SLC24A3: variants seen among roughly 807,000 people sequenced by gnomAD.
SLC24A3 encodes sodium/potassium/calcium exchanger 3.
Under a neutral mutation model 75.8 loss-of-function variants are expected in SLC24A3, and 28 were observed. That is an observed-to-expected ratio of 0.37 (90% confidence interval 0.27 to 0.51). SLC24A3 has a LOEUF of 0.51. Among genes scored for constraint, SLC24A3 ranks in the 20% least tolerant of loss-of-function variants. The pLI, the probability that SLC24A3 is intolerant of heterozygous loss-of-function variation, is 0.94. For missense variants in SLC24A3, 663 were observed against 847.8 expected (o/e 0.78, Z 2.71); for synonymous variants, 372 against 334.1 (o/e 1.11, Z -1.24).
At chr20:19,371,940 G>A (rs927625532) in intron 2 of SLC24A3, among the ~76,000 whole-genome samples, 7 of 152,156 alleles carry the variant, frequency 4.6e-5, no homozygotes, top group Non-Finnish European at 7.3e-5. Context: ...TGGAAGTCAT[G>A]TCTGTGTCTC....
intron 2 of SLC24A3, among the ~76,000 whole-genome samples, chr20:19,356,815 A>C (rs1334970572): frequency 6.6e-6 from 1 of 151,992 alleles, no homozygotes; most frequent in East Asian, 1.9e-4. Flanking sequence ...CTACTGCTCT[A>C]CATGGTCATC....
At chr20:19,597,193 C>A (rs1011753756) in intron 6 of SLC24A3, among the ~76,000 whole-genome samples, 2 of 150,654 alleles carry the variant, frequency 1.3e-5, no homozygotes, top group Non-Finnish European at 3.0e-5. Context: ...CAACGAACGG[C>A]CTGGGCAACA....
chr20:19,653,212 C>T (rs6046227), intron 6 of SLC24A3, among the ~76,000 whole-genome samples: 55,931 of 152,130 alleles, frequency 0.37, 13,584 homozygotes, highest in African/African-American at 0.7. Flanking sequence ...TCCCGACCAC[C>T]TCCAGCCCTG....
At chr20:19,477,704 G>A (rs1176517969) in intron 2 of SLC24A3, among the ~76,000 whole-genome samples, 3 of 152,074 alleles carry the variant, frequency 2.0e-5, no homozygotes, top group South Asian at 2.1e-4. Context: ...CTAAAGTGTC[G>A]ATGACATCCC....
chr20:19,603,444 G>T (rs3790274), intron 6 of SLC24A3, among the ~76,000 whole-genome samples: 80,414 of 152,008 alleles, frequency 0.53, 22,519 homozygotes, highest in Admixed American at 0.62. Context: ...GTTGTTTGCC[G>T]GCTCTTGGTG....
At chr20:19,399,167 AT>A (rs1381558461) in intron 2 of SLC24A3, among the ~76,000 whole-genome samples, 4 of 151,966 alleles carry the variant, frequency 2.6e-5, no homozygotes, top group Admixed American at 2.0e-4. Context: ...AATAGTTATC[AT>A]TTTTTTATGA....
In SLC24A3 at chr20:19,717,540, A is replaced by G; in HGVS notation, c.1732A>G (p.Ser578Gly). 6.2e-7 allele frequency: 1 copy of G among 1,614,092 alleles called. No homozygotes were observed. The highest frequency in any genetic ancestry group is 8.5e-7 in the Non-Finnish European group (1 of 1,179,954). The change falls in exon 16 of 17, where the codon AGC becomes GGC. Residue 578 changes from serine (S) to glycine (G), a missense_variant. Physicochemically the swap from Ser to Gly is moderately conservative, Grantham distance 56. This residue lies in a region of SLC24A3 where 510 missense variants were observed against 703.6 expected (regional missense o/e 0.72). Coordinates refer to ENST00000328041, the MANE Select transcript of SLC24A3 (RefSeq NM_020689.4). Reference sequence around the variant, plus strand: ...CCCTCTCTTACAGATCCGGCTGAATAGCAGGGGGCTGATCTACTCCGTAGG... The same window carrying G: ...CCCTCTCTTACAGATCCGGCTGAATGGCAGGGGGCTGATCTACTCCGTAGG... ...VDYGSYIRLN[S>G]RGLIYSVGLL... is the part of the protein sequence containing the mutation.
intron 6 of SLC24A3, among the ~76,000 whole-genome samples, chr20:19,593,742 C>T (rs1207691867): frequency 6.6e-6 from 1 of 152,192 alleles, no homozygotes; most frequent in Non-Finnish European, 1.5e-5. Context: ...CTAAAGCTCC[C>T]TCCACAGTGT....
chr20:19,443,602 A>G (rs1383571508), intron 2 of SLC24A3, among the ~76,000 whole-genome samples: 1 of 152,174 alleles, frequency 6.6e-6, no homozygotes, highest in Admixed American at 6.5e-5. Flanking sequence ...TACATAGACA[A>G]TTCTGAAACC....
intron 6 of SLC24A3, among the ~76,000 whole-genome samples, chr20:19,615,479 G>T (rs2031724763): frequency 6.6e-6 from 1 of 152,172 alleles, no homozygotes; most frequent in Non-Finnish European, 1.5e-5. Flanking sequence ...GTGACGGAAG[G>T]TGAAGGGAAA....
rs1701380891 is a variant in SLC24A3 at position 19,596,285 on chromosome 20, T to C, written c.612+10741T>C. 2.6e-5 allele frequency among the ~76,000 whole-genome samples: 4 copies of C among 152,144 alleles called. No homozygotes were observed. The South Asian group carries it at 8.3e-4, about 31-fold the overall frequency. ...AAAGATAAGAAGTGGTTGCTGTCTT[T>C]AGAATATTTTTTGGAGGTGATGCCA... On this transcript the variant is annotated intron_variant, in intron 6 of 16. Transcript: ENST00000328041.
intron 9 of SLC24A3, among the ~76,000 whole-genome samples, chr20:19,678,922 C>T (rs1382808009): frequency 6.6e-6 from 1 of 150,490 alleles, no homozygotes; most frequent in Non-Finnish European, 1.5e-5. Flanking sequence ...GGGGCAAAGG[C>T]GCTCCCCACA....
intron 2 of SLC24A3, among the ~76,000 whole-genome samples, chr20:19,298,283 A>G (rs148187878): frequency 7.8e-4 from 119 of 152,358 alleles, no homozygotes; most frequent in African/African-American, 2.7e-3. Context: ...ATTTTTTCCA[A>G]CAAACGCTGT....
rs76838868 is a variant in SLC24A3, at chr20:19,482,264, G to A, written c.272-33224G>A. ...GGCACCCTCTGCACCTCACCTCACC[G>A]TCATTCCTTATTCTCTTTCCTCAAG... is the stretch of plus-strand genomic sequence containing the variant. On this transcript the variant is annotated intron_variant, in intron 2 of 16. Coordinates refer to ENST00000328041, the MANE Select transcript of SLC24A3 (RefSeq NM_020689.4). Among the ~76,000 whole-genome samples the A allele has an allele frequency of 7.1e-3, 1,077 of 152,196 alleles. 11 individuals are homozygous for A. The highest frequency in any genetic ancestry group is 0.024 in the African/African-American group (998 of 41,538).
chr20:19,271,467 T>C (rs1028416271), intron 1 of SLC24A3, among the ~76,000 whole-genome samples: 1 of 152,120 alleles, frequency 6.6e-6, no homozygotes, highest in African/African-American at 2.4e-5. Flanking sequence ...TACCATTTGA[T>C]CCAGCAATCC....
chr20:19,251,926 A>T (rs1447144507), intron 1 of SLC24A3, among the ~76,000 whole-genome samples: 2 of 152,170 alleles, frequency 1.3e-5, no homozygotes, highest in African/African-American at 4.8e-5. Flanking sequence ...GATGGTGATC[A>T]GAGTTAAGTT....
At chr20:19,607,311 G>T (rs904736203) in intron 6 of SLC24A3, among the ~76,000 whole-genome samples, 1 of 152,028 alleles carries the variant, frequency 6.6e-6, no homozygotes, top group Admixed American at 6.6e-5. Flanking sequence ...CCACAGAGAT[G>T]CTCTTGGCCA....
At chr20:19,361,609 T>C (rs1456943874) in intron 2 of SLC24A3, among the ~76,000 whole-genome samples, 6 of 152,202 alleles carry the variant, frequency 3.9e-5, no homozygotes, top group Non-Finnish European at 8.8e-5. Context: ...CACTTCAGAT[T>C]TGTACATTTT....
chr20:19,483,265 A>G (rs1988085150), intron 2 of SLC24A3, among the ~76,000 whole-genome samples: 1 of 152,162 alleles, frequency 6.6e-6, no homozygotes, highest in Non-Finnish European at 1.5e-5. Flanking sequence ...GTTGATACTA[A>G]CTAACAATAG....
Sources: gnomAD v4.1 joint callset for allele counts (sites outside exome capture counted in the v4.1 genomes callset) on GRCh38, gnomAD v4.1.1 for gene constraint, gnomAD v4.1.1 regional missense constraint, MANE v1.5 for transcripts, NCBI Gene and HGNC (gene_info 2026-07-23, HGNC 2026-07-21) for gene names.